Variants in ADAMTS15 observed in about 807,000 individuals in gnomAD.
ADAMTS15 encodes ADAM metallopeptidase with thrombospondin type 1 motif 15.
A neutral mutation model predicts 79.1 loss-of-function variants in ADAMTS15; 35 were observed. The observed-to-expected ratio is 0.44, with a 90% CI of 0.34 to 0.59. The LOEUF (loss-of-function observed/expected upper bound fraction) is 0.59, where lower values mean the gene tolerates loss of function less well. Ranked by LOEUF, ADAMTS15 falls within the 20% of genes least tolerant of loss-of-function variation. The pLI is 0.02. For missense variants in ADAMTS15, 1,324 were observed against 1,318.7 expected, an observed-to-expected ratio of 1.00 and a Z score of -0.06; for synonymous variants, 616 against 567.3, an observed-to-expected ratio of 1.09 and a Z score of -1.22.
At chr11:130,460,880 C>A (rs1045537364) in intron 1 of ADAMTS15, among the ~76,000 whole-genome samples, 1 of 152,142 alleles carries the variant, frequency 6.6e-6, no homozygotes, top group Non-Finnish European at 1.5e-5. Flanking sequence ...AGCCACTGAG[C>A]GTGTGTCCCC....
At position 130,472,682 on chromosome 11, in the gene ADAMTS15, C is replaced by T. The variant is rs1938481918; in HGVS notation, c.2079-365C>T. Among the ~76,000 whole-genome samples, 1 of 143,246 alleles carries T rather than the reference C, an allele frequency of 7.0e-6. No homozygotes were observed. Among genetic ancestry groups the T allele is most frequent in the Non-Finnish European group, 1.5e-5 (1 of 64,822 alleles). The allele number at this position is 143,246 out of a possible 152,430, so 94.0% of individuals were successfully genotyped here. On this transcript the variant is annotated intron_variant, in intron 7 of 7. Coordinates refer to ENST00000299164, the MANE Select transcript of ADAMTS15 (RefSeq NM_139055.4). The surrounding 1 kb of genome is among the most constrained non-coding windows in gnomAD (Gnocchi z 4.7). ...TGGACTTACTCCTCCCGCCCCACCCCTCCTCCTCCTCCTCCTCCTCCTCCT... is the reference window on the plus strand; with the variant it reads ...TGGACTTACTCCTCCCGCCCCACCCTTCCTCCTCCTCCTCCTCCTCCTCCT...
chr11:130,458,830 A>G (rs1018649878), intron 1 of ADAMTS15, among the ~76,000 whole-genome samples: 4 of 152,064 alleles, frequency 2.6e-5, no homozygotes, highest in African/African-American at 9.7e-5. Context: ...CTGCTAGGCT[A>G]GAATGTCCAG....
rs977048093 is a variant in ADAMTS15, at chr11:130,472,570, G to A, written c.2079-477G>A. Among the ~76,000 whole-genome samples the A allele has an allele frequency of 2.6e-5, 4 of 152,210 alleles. No individual in the cohort carries two copies. Among genetic ancestry groups the A allele is most frequent in the African/African-American group, 7.2e-5 (3 of 41,442 alleles). ...TTGCTTAAAATTGCCAGGAGTTGGCGTGTGAGCCAGGCTGGATCTGCGTCC... is the reference window on the plus strand; with the variant it reads ...TTGCTTAAAATTGCCAGGAGTTGGCATGTGAGCCAGGCTGGATCTGCGTCC... On this transcript the variant is annotated intron_variant, in intron 7 of 7. Transcript: ENST00000299164. The surrounding 1 kb of genome is among the most constrained non-coding windows in gnomAD (Gnocchi z 4.7).
Position 130,474,096 on chromosome 11 carries a change from G to A in ADAMTS15, c.*275G>A, listed in dbSNP as rs947684710. On this transcript the variant is annotated 3_prime_UTR_variant, in exon 8 of 8. Transcript: ENST00000299164. ...TGAGGTGCAGGGCAGAAGGTGCTGAGGCCCAGTTTCCAAGGAACTTGGAGG... is the reference window on the plus strand; with the variant it reads ...TGAGGTGCAGGGCAGAAGGTGCTGAAGCCCAGTTTCCAAGGAACTTGGAGG... The A allele has an allele frequency of 1.2e-4, 46 of 386,356 alleles. No individual in the cohort carries two copies. The highest frequency in any genetic ancestry group is 2.1e-4 in the Non-Finnish European group (46 of 218,152). The allele number at this position is 386,356 out of a possible 1,614,324, so 23.9% of individuals were successfully genotyped here.
At chr11:130,450,737 C>T (rs1217953135) in intron 1 of ADAMTS15, among the ~76,000 whole-genome samples, 1 of 152,162 alleles carries the variant, frequency 6.6e-6, no homozygotes, top group African/African-American at 2.4e-5. Context: ...CAGAGGGTGA[C>T]CCGTTTGCCC....
rs1448690575 is a variant in ADAMTS15, at chr11:130,472,263, C to T, written c.2079-784C>T. 1.3e-5 allele frequency among the ~76,000 whole-genome samples: 2 copies of T among 152,190 alleles called. No homozygotes were observed. The highest frequency in any genetic ancestry group is 4.8e-5 in the African/African-American group (2 of 41,442). ...CTTGACTGTGCCCCTGGACACGTCG[C>T]CCTCTCCTGAGCCCCTGGGTGGTGA... On this transcript the variant is annotated intron_variant, in intron 7 of 7. Coordinates refer to ENST00000299164, the MANE Select transcript of ADAMTS15 (RefSeq NM_139055.4). The surrounding 1 kb of genome is among the most constrained non-coding windows in gnomAD (Gnocchi z 4.7).
rs1289367835 is a variant in ADAMTS15 at position 130,449,077 on chromosome 11, T to C, written c.104T>C (p.Ile35Thr). 1 of 1,577,494 alleles carries C rather than the reference T, an allele frequency of 6.3e-7. No individual in the cohort carries two copies. Among genetic ancestry groups the C allele is most frequent in the Non-Finnish European group, 8.6e-7 (1 of 1,157,932 alleles). Residue 35 changes from isoleucine to threonine, a missense_variant, in exon 1 of 8, where the codon ATT becomes ACT. Transcript: ENST00000299164. This position sits in a 1 kb window ranked among gnomAD's most constrained non-coding sequence, Gnocchi z 7.8. ...GTTCCCATCCGACTGGACCCGGACA[T>C]TAACGGCCGCCGCTACTACTGGCGG... ...VVVPIRLDPD[I>T]NGRRYYWRGP...
In ADAMTS15 at chr11:130,471,362, C is replaced by T; in HGVS notation, c.2057C>T (p.Thr686Ile). The change falls in exon 7 of 8, where the codon ACT becomes ATT. Residue 686 changes from threonine (T) to isoleucine (I), a missense_variant. By Grantham distance (89) the Thr-to-Ile change is moderately conservative. Transcript: ENST00000299164. ...GACAATAAGAGCTGCAAGAAGGTGACTGGACTCTTCACCAAGCCCATGTGA... is the reference window on the plus strand; with the variant it reads ...GACAATAAGAGCTGCAAGAAGGTGATTGGACTCTTCACCAAGCCCATGTGA... ...GGDNKSCKKV[T>I]GLFTKPMHGY... is the part of the protein sequence containing the mutation. 1.2e-6 allele frequency: 2 copies of T among 1,610,134 alleles called. No individual in the cohort carries two copies. The highest frequency in any genetic ancestry group is 1.7e-6 in the Non-Finnish European group (2 of 1,179,162).
chr11:130,469,895 A>G (rs1254108673), intron 5 of ADAMTS15, among the ~76,000 whole-genome samples: 1 of 151,938 alleles, frequency 6.6e-6, no homozygotes, highest in East Asian at 1.9e-4. Context: ...TATTTCTTTC[A>G]GGGAGAAATT....
At chr11:130,461,959 T>C (rs1455603842) in intron 2 of ADAMTS15, 128 bp from the exon 3 acceptor site, 4 of 1,094,490 alleles carry the variant, frequency 3.7e-6, no homozygotes, top group African/African-American at 1.6e-5. Flanking sequence ...GAAAGCAGTC[T>C]GTCGATAGTT....
At position 130,470,134 on chromosome 11, in the gene ADAMTS15, A is replaced by ATGTATATATATATATATACGTG. The variant is rs1491500152; in HGVS notation, c.1720+696_1720+697insGTATATATATATATATACGTGT. Among the ~76,000 whole-genome samples the ATGTATATATATATATATACGTG allele has an allele frequency of 2.2e-3, 155 of 70,960 alleles. 9 individuals are homozygous for ATGTATATATATATATATACGTG. Among genetic ancestry groups the ATGTATATATATATATATACGTG allele is most frequent in the East Asian group, 0.018 (51 of 2,886 alleles). The allele number at this position is 70,960 out of a possible 152,430, so 46.6% of individuals were successfully genotyped here. Reference sequence around the variant, plus strand: ...ATTACTGAATCATATATATATATACATATATATATATATATATGTGTATAT... The same window carrying ATGTATATATATATATATACGTG: ...ATTACTGAATCATATATATATATACATGTATATATATATATATACGTGTATATATATATATATATGTGTATAT... On this transcript the variant is annotated intron_variant, in intron 5 of 7. Transcript: ENST00000299164.
At chr11:130,470,125 T>C (rs188350634) in intron 5 of ADAMTS15, among the ~76,000 whole-genome samples, 4 of 96,372 alleles carry the variant, frequency 4.2e-5, no homozygotes, top group South Asian at 3.0e-4. Flanking sequence ...GAATCATATA[T>C]ATATATACAT....
Position 130,462,832 on chromosome 11 carries a change from A to AC in ADAMTS15, c.1542+55dup. On this transcript the variant is annotated intron_variant, in intron 4 of 7. Coordinates refer to ENST00000299164, the MANE Select transcript of ADAMTS15 (RefSeq NM_139055.4). This position sits in a 1 kb window ranked among gnomAD's most constrained non-coding sequence, Gnocchi z 4.3. ...GGGACTGCTGGGAGGAGGGATGGAGACCCGGGGGCCTCGTCTGCCCTTGGT... is the reference window on the plus strand; with the variant it reads ...GGGACTGCTGGGAGGAGGGATGGAGACCCCGGGGGCCTCGTCTGCCCTTGGT... 1.3e-6 allele frequency: 2 copies of AC among 1,537,266 alleles called. No individual in the cohort carries two copies. Among genetic ancestry groups the AC allele is most frequent in the Non-Finnish European group, 1.8e-6 (2 of 1,137,416 alleles).
At chr11:130,463,729 C>T (rs1418921644) in intron 4 of ADAMTS15, among the ~76,000 whole-genome samples, 2 of 152,180 alleles carry the variant, frequency 1.3e-5, no homozygotes, top group Admixed American at 6.5e-5. Flanking sequence ...GGCAAAAACC[C>T]ACTGTGTTCA....
At chr11:130,464,321 A>G (rs1938260556) in intron 4 of ADAMTS15, among the ~76,000 whole-genome samples, 1 of 152,198 alleles carries the variant, frequency 6.6e-6, no homozygotes, top group Admixed American at 6.5e-5. Flanking sequence ...CTACCTCCTC[A>G]ACCTCTTTTC....
intron 5 of ADAMTS15, among the ~76,000 whole-genome samples, chr11:130,470,168 A>ATATATATATGTG: frequency 3.4e-5 from 2 of 58,666 alleles, no homozygotes; most frequent in African/African-American, 2.0e-4. Context: ...ATATATATAT[A>ATATATATATGTG]TATATATATA....
At chr11:130,452,224 C>G (rs763191475) in intron 1 of ADAMTS15, among the ~76,000 whole-genome samples, 2 of 152,046 alleles carry the variant, frequency 1.3e-5, no homozygotes, top group Non-Finnish European at 2.9e-5. Context: ...CTTAACTGCC[C>G]GGAAAGGAGA....
In ADAMTS15 at chr11:130,449,670, T is replaced by G. The variant is rs1200242598; in HGVS notation, c.697T>G (p.Phe233Val). 2 of 1,601,250 alleles carry G rather than the reference T, an allele frequency of 1.2e-6. No individual in the cohort carries two copies. Among genetic ancestry groups the G allele is most frequent in the Middle Eastern group, 1.6e-4 (1 of 6,070 alleles). The change falls in exon 1 of 8, where the codon TTC becomes GTC. Residue 233 changes from phenylalanine to valine, a missense_variant. By Grantham distance (50) the Phe-to-Val change is conservative. Transcript: ENST00000299164. This position sits in a 1 kb window ranked among gnomAD's most constrained non-coding sequence, Gnocchi z 7.8. ...GGTCGCGGACGAGTCAATGGTCAAG[T>G]TCCACGGCGCGGACCTGGAACATTA... Reference protein sequence around the residue: ...LVVADESMVKFHGADLEHYLL... With the variant: ...LVVADESMVKVHGADLEHYLL...
Position 130,471,375 on chromosome 11 carries a change from C to T in ADAMTS15, c.2070C>T (p.Thr690=). The change falls in exon 7 of 8, where the codon ACC becomes ACT. Residue 690 remains threonine (T), a synonymous_variant. Coordinates refer to ENST00000299164, the MANE Select transcript of ADAMTS15 (RefSeq NM_139055.4). ...GCAAGAAGGTGACTGGACTCTTCAC[C>T]AAGCCCATGTGAGTTCTGGGCCCTG... ...KSCKKVTGLF[T]KPMHGYNFVV... 6.2e-7 allele frequency: 1 copy of T among 1,608,392 alleles called. No homozygotes were observed. Among genetic ancestry groups the T allele is most frequent in the Non-Finnish European group, 8.5e-7 (1 of 1,178,790 alleles).
Sources: allele counts gnomAD v4.1 joint callset (sites outside exome capture counted in the v4.1 genomes callset), GRCh38; gene constraint gnomAD v4.1.1; non-coding constraint Gnocchi (gnomAD v3.1); transcripts MANE v1.5; gene names NCBI Gene and HGNC (gene_info 2026-07-23, HGNC 2026-07-21).